The following MCC variants were observed in gnomAD, a reference collection of about 807,000 sequenced individuals.
MCC encodes MCC regulator of Wnt signaling pathway.
MCC carries 90 observed loss-of-function variants against 116.2 expected under a neutral mutation model. That is an observed-to-expected ratio of 0.77 (90% confidence interval 0.65 to 0.92). MCC has a LOEUF of 0.92. MCC is among the 40% of genes least tolerant of loss of function. MCC has a pLI of 0.00. For synonymous variants in MCC, 578 were observed against 510.5 expected, an observed-to-expected ratio of 1.13 and a Z score of -1.78; for missense variants, 1,516 against 1,312.2, an observed-to-expected ratio of 1.16 and a Z score of -2.40.
chr5:113,175,208 T>C (rs1251653233), intron 3 of MCC, among the ~76,000 whole-genome samples: 1 of 152,150 alleles, frequency 6.6e-6, no homozygotes, highest in Non-Finnish European at 1.5e-5. Flanking sequence ...TCAATAAATT[T>C]TGAAAAATGG....
At chr5:113,285,943 G>A (rs771554340) in intron 3 of MCC, among the ~76,000 whole-genome samples, 12 of 152,138 alleles carry the variant, frequency 7.9e-5, no homozygotes, top group African/African-American at 2.2e-4. Flanking sequence ...AAATTCCATC[G>A]AATGGGTACT....
intron 3 of MCC, among the ~76,000 whole-genome samples, chr5:113,231,005 T>C (rs969219128): frequency 2.6e-5 from 4 of 152,276 alleles, no homozygotes; most frequent in Middle Eastern, 3.4e-3. Context: ...TCTTGGATTG[T>C]AGAACTGATA....
At chr5:113,205,373 A>G (rs1267280856) in intron 3 of MCC, among the ~76,000 whole-genome samples, 1 of 152,200 alleles carries the variant, frequency 6.6e-6, no homozygotes, top group Non-Finnish European at 1.5e-5. Context: ...AACAGGACTG[A>G]CCTGGTGGTC....
chr5:113,414,283 TC>T (rs1454175591), intron 1 of MCC, among the ~76,000 whole-genome samples: 1 of 152,208 alleles, frequency 6.6e-6, no homozygotes, highest in Non-Finnish European at 1.5e-5. Context: ...GTCTATTAGG[TC>T]CACTTGGTGC....
At chr5:113,458,401 C>G (rs1771642544) in intron 1 of MCC, among the ~76,000 whole-genome samples, 4 of 151,744 alleles carry the variant, frequency 2.6e-5, no homozygotes, top group Admixed American at 1.3e-4. Context: ...GACCACGAAC[C>G]CACCAGAAGG....
intron 4 of MCC, among the ~76,000 whole-genome samples, chr5:113,145,783 CAAACACACACACACACACACACAA>C (rs756503140): frequency 0.034 from 534 of 15,490 alleles, 2 homozygotes; most frequent in Non-Finnish European, 0.066. Context: ...CACACACACA[CAAACACACACACACACACACACAA>C]AAGACCCTGT....
At chr5:113,487,649 C>T (rs1159423103) in intron 1 of MCC, among the ~76,000 whole-genome samples, 2 of 152,232 alleles carry the variant, frequency 1.3e-5, no homozygotes, top group Non-Finnish European at 2.9e-5. Context: ...TGCTCCTGAG[C>T]GCTTCGTTCC....
At chr5:113,142,625 C>T (rs1326791781) in intron 5 of MCC, among the ~76,000 whole-genome samples, 1 of 147,104 alleles carries the variant, frequency 6.8e-6, no homozygotes, top group African/African-American at 2.4e-5. Context: ...CCAGCTTTTT[C>T]ACCAGTAAAA....
chr5:113,145,515 C>T (rs992956272), intron 4 of MCC, among the ~76,000 whole-genome samples: 2 of 152,116 alleles, frequency 1.3e-5, no homozygotes, highest in Admixed American at 6.5e-5. Context: ...CTACCACCAC[C>T]TGGGCTGACA....
At chr5:113,465,186 G>C (rs1256788920) in intron 1 of MCC, among the ~76,000 whole-genome samples, 2 of 139,042 alleles carry the variant, frequency 1.4e-5, no homozygotes, top group Non-Finnish European at 3.1e-5. Flanking sequence ...ATTGAGCTAA[G>C]AACAGGTAGA....
At chr5:113,192,967 C>G (rs1174576007) in intron 3 of MCC, among the ~76,000 whole-genome samples, 1 of 152,192 alleles carries the variant, frequency 6.6e-6, no homozygotes, top group Non-Finnish European at 1.5e-5. Context: ...AGTCTAAAAC[C>G]ATTTCGTTAG....
At chr5:113,132,875 G>A (rs997280522) in intron 5 of MCC, among the ~76,000 whole-genome samples, 1 of 152,204 alleles carries the variant, frequency 6.6e-6, no homozygotes, top group African/African-American at 2.4e-5. Context: ...TGGCTCAGTG[G>A]CATGGGGTGT....
At chr5:113,194,371 CA>C (rs2150315237) in intron 3 of MCC, among the ~76,000 whole-genome samples, 1 of 152,306 alleles carries the variant, frequency 6.6e-6, no homozygotes, top group Non-Finnish European at 1.5e-5. Context: ...TGACACTACT[CA>C]AAAGGCCTCC....
intron 3 of MCC, among the ~76,000 whole-genome samples, chr5:113,275,971 T>G (rs1022344742): frequency 1.6e-5 from 2 of 128,904 alleles, no homozygotes; most frequent in South Asian, 2.4e-4. Context: ...ACTTGTTTTG[T>G]TTTTTTTTTT....
intron 3 of MCC, among the ~76,000 whole-genome samples, chr5:113,307,947 T>A (rs531322570): frequency 3.0e-4 from 45 of 151,762 alleles, no homozygotes; most frequent in African/African-American, 8.4e-4. Context: ...CTGCGTGGAG[T>A]GTCAGCTCCA....
At position 113,236,999 on chromosome 5, in the gene MCC, G is replaced by GA. The variant is rs1452957640; in HGVS notation, c.628-85578dup. On this transcript the variant is annotated intron_variant, in intron 3 of 18. Transcript: ENST00000408903. ...TCAGTTGTTTTCACTCTGTCAAGTT[G>GA]AAAAAATTGAGAAGGAAAGTGGCAA... is the stretch of plus-strand genomic sequence containing the variant. 3.3e-5 allele frequency among the ~76,000 whole-genome samples: 5 copies of GA among 152,296 alleles called. No homozygotes were observed. In the East Asian group the frequency reaches 7.7e-4, roughly 23 times the overall value.
At chr5:113,432,797 T>C (rs1406760982) in intron 1 of MCC, 2 of 152,226 alleles carry the variant, frequency 1.3e-5, no homozygotes, top group African/African-American at 2.4e-5. Context: ...TGTAAAATTT[T>C]CTTCTGGGGG....
chr5:113,239,274 A>G (rs1019726704), intron 3 of MCC, among the ~76,000 whole-genome samples: 3 of 152,142 alleles, frequency 2.0e-5, no homozygotes, highest in Non-Finnish European at 4.4e-5. Context: ...TTCAGTGGGG[A>G]CGGCCCCAGG....
At chr5:113,416,861 A>G (rs1770165669) in intron 1 of MCC, among the ~76,000 whole-genome samples, 1 of 152,164 alleles carries the variant, frequency 6.6e-6, no homozygotes, top group Admixed American at 6.6e-5. Context: ...ATATAATGAC[A>G]ATTATTTTTG....
Sources: gnomAD v4.1 joint callset for allele counts (sites outside exome capture counted in the v4.1 genomes callset) on GRCh38, gnomAD v4.1.1 for gene constraint, MANE v1.5 for transcripts, NCBI Gene and HGNC (gene_info 2026-07-23, HGNC 2026-07-21) for gene names.